RICTOR: variants seen among roughly 807,000 people sequenced by gnomAD.
RICTOR encodes RPTOR independent companion of MTOR complex 2.
Under a neutral mutation model 214.9 loss-of-function variants are expected in RICTOR, and 49 were observed. The ratio of observed to expected loss-of-function variants is 0.23; its 90% CI spans 0.18 to 0.29. The LOEUF (loss-of-function observed/expected upper bound fraction) is 0.29, where lower values mean the gene tolerates loss of function less well. RICTOR is among the 10% of genes least tolerant of loss of function. The pLI, the probability that RICTOR is intolerant of heterozygous loss-of-function variation, is 1.00. For synonymous variants in RICTOR, 717 were observed against 711.3 expected (o/e 1.01, Z -0.13); for missense variants, 1,625 against 2,047.0 (o/e 0.79, Z 3.98).
intron 2 of RICTOR, among the ~76,000 whole-genome samples, chr5:39,027,168 T>C (rs551826936): frequency 6.6e-6 from 1 of 152,282 alleles, no homozygotes; most frequent in South Asian, 2.1e-4. Context: ...TGTATAAAAC[T>C]TTAAGTATAG....
intron 2 of RICTOR, among the ~76,000 whole-genome samples, chr5:39,063,054 A>C (rs1356623844): frequency 6.6e-6 from 1 of 152,184 alleles, no homozygotes; most frequent in Admixed American, 6.5e-5. Flanking sequence ...CAGACTGCAT[A>C]CATCTAGAAA....
At chr5:39,002,299 A>T (rs1753698430) in intron 5 of RICTOR, among the ~76,000 whole-genome samples, 1 of 152,058 alleles carries the variant, frequency 6.6e-6, no homozygotes, top group African/African-American at 2.4e-5. Context: ...CAATGGGAAA[A>T]GTCAGAATAA....
intron 3 of RICTOR, among the ~76,000 whole-genome samples, chr5:39,008,968 T>A (rs544608336): frequency 1.3e-5 from 2 of 152,130 alleles, no homozygotes; most frequent in South Asian, 4.1e-4. Context: ...TATATCAACA[T>A]ACAAAATATT....
In RICTOR at chr5:38,941,283, G is replaced by C. The variant is rs772940354; in HGVS notation, c.*1021C>G. ...TGCTGCTTTAAAATTTGGTACTTAAGGCTTTTCACTACAATTTTTCTCAAT... is the reference window on the plus strand; with the variant it reads ...TGCTGCTTTAAAATTTGGTACTTAACGCTTTTCACTACAATTTTTCTCAAT... On this transcript the variant is annotated 3_prime_UTR_variant, in exon 38 of 38. Transcript: ENST00000357387. 4.3e-6 allele frequency: 1 copy of C among 232,032 alleles called. No homozygotes were observed. The highest frequency in any genetic ancestry group is 2.2e-5 in the African/African-American group (1 of 45,220). 14.4% of individuals were successfully genotyped at this position (232,032 alleles called of 1,614,324 possible).
chr5:38,971,844 A>G (rs750125795), intron 11 of RICTOR, 33 bp downstream of exon 11: 3 of 871,956 alleles, frequency 3.4e-6, no homozygotes, highest in Non-Finnish European at 5.8e-6. Flanking sequence ...TTAAAGGTCC[A>G]GGAATGAAAC....
At chr5:39,068,371 A>G (rs924741998) in intron 2 of RICTOR, among the ~76,000 whole-genome samples, 3 of 152,210 alleles carry the variant, frequency 2.0e-5, no homozygotes, top group South Asian at 2.1e-4. Context: ...ACTCTCCCCA[A>G]TCCTCTCTGA....
At chr5:39,037,417 C>T (rs1255875801) in intron 2 of RICTOR, among the ~76,000 whole-genome samples, 1 of 151,816 alleles carries the variant, frequency 6.6e-6, no homozygotes, top group Non-Finnish European at 1.5e-5. Flanking sequence ...ACTAGAGAAG[C>T]AAGAGCAAAC....
chr5:39,034,736 A>G (rs578248997), intron 2 of RICTOR, among the ~76,000 whole-genome samples: 3 of 152,226 alleles, frequency 2.0e-5, no homozygotes, highest in African/African-American at 7.2e-5. Flanking sequence ...GCAGTCTGAG[A>G]TCAAACTGCA....
At chr5:38,983,064 C>G (rs1225661763) in intron 7 of RICTOR, among the ~76,000 whole-genome samples, 1 of 152,054 alleles carries the variant, frequency 6.6e-6, no homozygotes, top group African/African-American at 2.4e-5. Context: ...ACACACAGAA[C>G]TCTCATTATC....
intron 2 of RICTOR, among the ~76,000 whole-genome samples, chr5:39,055,421 C>A (rs1246547211): frequency 1.7e-5 from 2 of 120,676 alleles, no homozygotes; most frequent in Admixed American, 8.9e-5. Flanking sequence ...GACAATTCCC[C>A]CCCCCCACTC....
At chr5:39,074,084 C>T (rs761933548) in intron 2 of RICTOR, 27 bp downstream of exon 2, 31 of 1,493,444 alleles carry the variant, frequency 2.1e-5, no homozygotes, top group Admixed American at 5.8e-5. Flanking sequence ...AGCGCGCCCT[C>T]GCGGCGCCCG....
At chr5:38,967,123 T>C in intron 14 of RICTOR, 38 bp downstream of exon 14, 1 of 1,465,710 alleles carries the variant, frequency 6.8e-7, no homozygotes, top group Non-Finnish European at 9.5e-7. Flanking sequence ...TTAGAGAAAA[T>C]AAACAAAATG....
intron 2 of RICTOR, among the ~76,000 whole-genome samples, chr5:39,048,991 A>G (rs1757673210): frequency 6.6e-6 from 1 of 152,184 alleles, no homozygotes. Context: ...AAACAAAACA[A>G]ACAAGAGAGA....
At chr5:39,000,597 C>T (rs1753540277) in intron 5 of RICTOR, among the ~76,000 whole-genome samples, 1 of 151,846 alleles carries the variant, frequency 6.6e-6, no homozygotes, top group African/African-American at 2.4e-5. Flanking sequence ...ACAAACTTGT[C>T]CATTATTATC....
intron 19 of RICTOR, among the ~76,000 whole-genome samples, chr5:38,961,578 C>A (rs1431765385): frequency 6.6e-6 from 1 of 152,076 alleles, no homozygotes; most frequent in Non-Finnish European, 1.5e-5. Flanking sequence ...AATCCAGGAG[C>A]TGGGAAAACA....
At chr5:38,995,046 GC>G (rs550811403) in intron 6 of RICTOR, among the ~76,000 whole-genome samples, 210 of 152,292 alleles carry the variant, frequency 1.4e-3, no homozygotes, top group African/African-American at 4.8e-3. Flanking sequence ...GAATGCAGAA[GC>G]AAATATGATA....
At chr5:38,985,948 C>T (rs1018451931) in intron 7 of RICTOR, among the ~76,000 whole-genome samples, 8 of 152,240 alleles carry the variant, frequency 5.3e-5, no homozygotes, top group African/African-American at 7.2e-5. Flanking sequence ...CGCCTGCCCC[C>T]GGCCTCCCAA....
At chr5:38,967,316 C>T (rs372163123) in intron 13 of RICTOR, 21 bp downstream of exon 13, 1 of 1,601,322 alleles carries the variant, frequency 6.2e-7, no homozygotes, top group Non-Finnish European at 8.5e-7. Flanking sequence ...AAATTGAAAC[C>T]CTTTTTATTT....
intron 9 of RICTOR, 122 bp from the exon 10 acceptor site, chr5:38,975,726 AAAAC>A: frequency 5.3e-6 from 3 of 561,274 alleles, no homozygotes; most frequent in South Asian, 2.9e-5. Flanking sequence ...ACATAAAATT[AAAAC>A]AAGACAAAGA....
Sources: allele counts gnomAD v4.1 joint callset (sites outside exome capture counted in the v4.1 genomes callset), GRCh38; gene constraint gnomAD v4.1.1; transcripts MANE v1.5; gene names NCBI Gene and HGNC (gene_info 2026-07-23, HGNC 2026-07-21).